The following HS2ST1 variants were observed in gnomAD, a reference collection of about 807,000 sequenced individuals.
The protein encoded by HS2ST1 is 2-O-sulfotransferase.
HS2ST1 carries 18 observed loss-of-function variants against 42.9 expected under a neutral mutation model. That is an observed-to-expected ratio of 0.42 (90% CI 0.29 to 0.62). The LOEUF is 0.62. Among genes scored for constraint, HS2ST1 ranks in the 20% least tolerant of loss-of-function variants. The pLI is 0.21. For missense variants in HS2ST1, 334 were observed against 433.8 expected (o/e 0.77, Z 2.04); for synonymous variants, 146 against 152.9 (o/e 0.95, Z 0.33).
chr1:86,987,077 T>TTG (rs1553135230), intron 1 of HS2ST1, among the ~76,000 whole-genome samples: 1 of 149,180 alleles, frequency 6.7e-6, no homozygotes, highest in Non-Finnish European at 1.5e-5. Context: ...GGTTTTTTTT[T>TTG]TTTTTTTTTT....
intron 1 of HS2ST1, among the ~76,000 whole-genome samples, chr1:86,959,531 G>A (rs578166484): frequency 1.4e-4 from 21 of 152,206 alleles, no homozygotes; most frequent in African/African-American, 4.3e-4. Context: ...GGTGGTGCAC[G>A]TCTGTAGTCC....
At position 87,107,123 on chromosome 1, in the gene HS2ST1, A is replaced by G. The variant is rs538275867; in HGVS notation, c.*2427A>G. The stretch of plus-strand genomic sequence containing the variant: ...AGATGCAGACCATGGGCAACCAACC[A>G]TTGCACTGGCCAAATCATTATTTAT... On this transcript the variant is annotated 3_prime_UTR_variant, in exon 7 of 7. Transcript: ENST00000370550. The G allele has an allele frequency of 1.3e-5, 2 of 152,188 alleles. No individual in the cohort carries two copies. Among genetic ancestry groups the G allele is most frequent in the East Asian group, 3.9e-4 (2 of 5,192 alleles). 9.4% of individuals were successfully genotyped at this position (152,188 alleles called of 1,614,324 possible).
intron 1 of HS2ST1, among the ~76,000 whole-genome samples, chr1:86,953,163 T>A (rs1268236206): frequency 6.6e-6 from 1 of 152,224 alleles, no homozygotes. Context: ...TGTACTAGCT[T>A]CATACTTTAC....
chr1:87,027,122 A>G (rs1650107149), intron 1 of HS2ST1, among the ~76,000 whole-genome samples: 1 of 152,172 alleles, frequency 6.6e-6, no homozygotes, highest in Non-Finnish European at 1.5e-5. Flanking sequence ...TACCATTAGA[A>G]TAGCAGTGTC....
At chr1:86,944,440 C>T (rs1380614429) in intron 1 of HS2ST1, among the ~76,000 whole-genome samples, 2 of 152,066 alleles carry the variant, frequency 1.3e-5, no homozygotes, top group Non-Finnish European at 2.9e-5. Context: ...CTGCAACCTC[C>T]CCCTTCTGGG....
At chr1:86,968,259 T>C (rs1178732192) in intron 1 of HS2ST1, among the ~76,000 whole-genome samples, 1 of 152,228 alleles carries the variant, frequency 6.6e-6, no homozygotes, top group African/African-American at 2.4e-5. Flanking sequence ...TGATGATTAT[T>C]TGTTTTGCTG....
chr1:86,915,411 A>G (rs1330844211), intron 1 of HS2ST1, among the ~76,000 whole-genome samples: 1 of 152,202 alleles, frequency 6.6e-6, no homozygotes, highest in Non-Finnish European at 1.5e-5. Context: ...GCCAAAGGGT[A>G]GCCCCGAAGT....
In HS2ST1 at chr1:87,104,525, C is replaced by A. The variant is rs200304782; in HGVS notation, c.900C>A (p.Thr300=). The A allele has an allele frequency of 3.1e-6, 5 of 1,613,100 alleles. No homozygotes were observed. The highest frequency in any genetic ancestry group is 4.2e-6 in the Non-Finnish European group (5 of 1,179,382). ...AGAAGAAACTCCCCACTAAACAAAC[C>A]ATTGCAAAACTACAGCAATCTGATA... ...TTEKKLPTKQ[T]IAKLQQSDIW... is the part of the protein sequence containing the mutation. The change falls in exon 7 of 7, where the codon ACC becomes ACA. Residue 300 remains threonine, a synonymous_variant. Transcript: ENST00000370550.
intron 2 of HS2ST1, 35 bp downstream of exon 2, chr1:87,073,207 T>A: frequency 7.2e-7 from 1 of 1,389,546 alleles, no homozygotes; most frequent in Non-Finnish European, 1.0e-6. Context: ...AAATATTTTC[T>A]AATACTTCCT....
intron 5 of HS2ST1, among the ~76,000 whole-genome samples, chr1:87,099,092 A>G (rs946584757): frequency 5.9e-5 from 9 of 152,208 alleles, no homozygotes; most frequent in African/African-American, 1.7e-4. Flanking sequence ...CACCTGTTTT[A>G]TAAATAAAGT....
At chr1:87,071,228 G>A (rs997107076) in intron 1 of HS2ST1, among the ~76,000 whole-genome samples, 1 of 152,220 alleles carries the variant, frequency 6.6e-6, no homozygotes, top group South Asian at 2.1e-4. Context: ...ATAACATGGT[G>A]TCCATATCTT....
chr1:87,002,182 G>T (rs1005821992), intron 1 of HS2ST1, among the ~76,000 whole-genome samples: 1 of 152,310 alleles, frequency 6.6e-6, no homozygotes, highest in East Asian at 1.9e-4. Context: ...AAAGTGCTGG[G>T]ATTACAGGCG....
chr1:87,041,499 T>G (rs886933567), intron 1 of HS2ST1, among the ~76,000 whole-genome samples: 67 of 152,186 alleles, frequency 4.4e-4, no homozygotes, highest in African/African-American at 1.5e-3. Context: ...GTATAGGACA[T>G]TATTGTTAAC....
In HS2ST1 at chr1:86,915,177, C is replaced by T; in HGVS notation, c.124+17C>T. 1 of 1,608,342 alleles carries T rather than the reference C, an allele frequency of 6.2e-7. No homozygotes were observed. Among genetic ancestry groups the T allele is most frequent in the South Asian group, 1.1e-5 (1 of 90,398 alleles). On this transcript the variant is annotated intron_variant, in intron 1 of 6. Coordinates refer to ENST00000370550, the MANE Select transcript of HS2ST1 (RefSeq NM_012262.4). ...CGAAGCTAGGTGAGGAACTGAACTG[C>T]CCCGGGCTGAGTGCTGTGGAAGGGG...
intron 1 of HS2ST1, among the ~76,000 whole-genome samples, chr1:86,979,583 C>T (rs1376808557): frequency 6.6e-6 from 1 of 152,186 alleles, no homozygotes. Context: ...AATGTATACA[C>T]ATTTTGTTAA....
chr1:86,963,859 C>T (rs1364510660), intron 1 of HS2ST1, among the ~76,000 whole-genome samples: 4 of 148,146 alleles, frequency 2.7e-5, no homozygotes, highest in East Asian at 2.0e-4. Context: ...CCCGCCCGGA[C>T]GGGGTGGCTG....
chr1:86,985,383 T>TATATACACACACACAC (rs1413099470), intron 1 of HS2ST1, among the ~76,000 whole-genome samples: 1 of 44,752 alleles, frequency 2.2e-5, no homozygotes, highest in African/African-American at 5.1e-5. Context: ...TATATATATA[T>TATATACACACACACAC]ACACACACAC....
chr1:86,978,720 A>G (rs1557502031), intron 1 of HS2ST1, among the ~76,000 whole-genome samples: 1 of 152,144 alleles, frequency 6.6e-6, no homozygotes, highest in African/African-American at 2.4e-5. Flanking sequence ...ATAGAAATGG[A>G]ATTTTAAAAA....
chr1:87,021,236 G>A (rs1649941192), intron 1 of HS2ST1, among the ~76,000 whole-genome samples: 1 of 152,226 alleles, frequency 6.6e-6, no homozygotes, highest in African/African-American at 2.4e-5. Flanking sequence ...TCCTTCAGGT[G>A]TGTTTCTCAC....
Sources: allele counts gnomAD v4.1 joint callset (sites outside exome capture counted in the v4.1 genomes callset), GRCh38; gene constraint gnomAD v4.1.1; transcripts MANE v1.5; gene names NCBI Gene and HGNC (gene_info 2026-07-23, HGNC 2026-07-21).